The following MYO7A variants were observed in gnomAD, a reference collection of about 807,000 sequenced individuals.
MYO7A encodes myosin VIIA, also known as unconventional myosin-VIIa.
A neutral mutation model predicts 263.8 loss-of-function variants in MYO7A; 210 were observed. The observed-to-expected ratio is 0.80, with a 90% CI of 0.71 to 0.89. The LOEUF is 0.89. MYO7A is among the 40% of genes least tolerant of loss of function. The probability of loss-of-function intolerance (pLI) is 0.00; values close to 1 mark genes in which losing one functional copy is unlikely to be tolerated. For missense variants in MYO7A, 2,820 were observed against 2,968.3 expected, an observed-to-expected ratio of 0.95 and a Z score of 1.16; for synonymous variants, 1,239 against 1,197.3, an observed-to-expected ratio of 1.03 and a Z score of -0.72.
Position 77,214,939 on chromosome 11 carries a change from G to C in MYO7A, c.*243G>C, listed in dbSNP as rs1043504284. On this transcript the variant is annotated 3_prime_UTR_variant, in exon 49 of 49. Transcript: ENST00000409709. ...TGGGTTGGTCTAATCCTAGTTTGCT[G>C]TGGCCTTCCCGGTTGTGAGAGCCTG... 12 of 497,014 alleles carry C rather than the reference G, an allele frequency of 2.4e-5. No homozygotes were observed. Among genetic ancestry groups the C allele is most frequent in the African/African-American group, 2.1e-4 (11 of 51,874 alleles). The allele number at this position is 497,014 out of a possible 1,614,324, so 30.8% of individuals were successfully genotyped here.
At position 77,182,519 on chromosome 11, in the gene MYO7A, C is replaced by T. The variant is rs1565414905; in HGVS notation, c.3204C>T (p.Ile1068=). The part of the protein sequence containing the change: ...HTAMSDGSEK[I]PVMTKIYETL... ...CCATGAGTGATGGCAGTGAGAAGAT[C>T]CCTGTGATGACCAAGATTTATGAGA... The change falls in exon 25 of 49, where the codon ATC becomes ATT. Residue 1068 remains isoleucine (I), a synonymous_variant. Coordinates refer to ENST00000409709, the MANE Select transcript of MYO7A (RefSeq NM_000260.4). The T allele has an allele frequency of 6.2e-7, 1 of 1,612,592 alleles. No homozygotes were observed. The highest frequency in any genetic ancestry group is 8.5e-7 in the Non-Finnish European group (1 of 1,179,874).
chr11:77,194,334 C>G lies in MYO7A; in HGVS notation c.4153-20C>G. On this transcript the variant is annotated intron_variant, in intron 31 of 48. Transcript: ENST00000409709. Reference sequence around the variant, plus strand: ...GGAGGGGCCTGGGCCAATGCATGACCGAGGCCTCCCCCCACCTAGGAGGAC... The same window carrying G: ...GGAGGGGCCTGGGCCAATGCATGACGGAGGCCTCCCCCCACCTAGGAGGAC... 6.2e-7 allele frequency: 1 copy of G among 1,605,908 alleles called. No individual in the cohort carries two copies. The highest frequency in any genetic ancestry group is 8.5e-7 in the Non-Finnish European group (1 of 1,176,358).
intron 4 of MYO7A, among the ~76,000 whole-genome samples, chr11:77,153,031 G>T (rs1333031261): frequency 1.3e-5 from 2 of 152,158 alleles, no homozygotes; most frequent in African/African-American, 4.8e-5. Flanking sequence ...AGAGGATTTG[G>T]ACTTTGTCCA....
At chr11:77,205,342 A>T (rs1316233579) in intron 39 of MYO7A, 120 bp from the exon 40 acceptor site, 3 of 1,212,914 alleles carry the variant, frequency 2.5e-6, no homozygotes, top group Admixed American at 4.8e-5. Context: ...AAAGGTCAGG[A>T]GGGACGGTGC....
chr11:77,162,288 G>A lies in MYO7A; in HGVS notation c.1512G>A (p.Met504Ile). Reference sequence around the variant, plus strand: ...TGGACATGATTGCCAACAAGCCCATGAACATCATCTCCCTCATCGATGAGG... The same window carrying A: ...TGGACATGATTGCCAACAAGCCCATAAACATCATCTCCCTCATCGATGAGG... ...DALDMIANKP[M>I]NIISLIDEES... The change falls in exon 13 of 49, where the codon ATG becomes ATA. Residue 504 changes from methionine to isoleucine, a missense_variant. Transcript: ENST00000409709. 6.4e-7 allele frequency: 1 copy of A among 1,552,760 alleles called. No individual in the cohort carries two copies. Among genetic ancestry groups the A allele is most frequent in the Non-Finnish European group, 8.7e-7 (1 of 1,147,570 alleles).
At chr11:77,182,292 C>T (rs1291161157) in intron 24 of MYO7A, 132 bp from the exon 25 acceptor site, 2 of 1,430,984 alleles carry the variant, frequency 1.4e-6, no homozygotes, top group Non-Finnish European at 1.9e-6. Context: ...ATAGTCTTCA[C>T]TGCGGTGCCC....
At chr11:77,193,253 ATGGTGG>A (rs139695638) in intron 31 of MYO7A, among the ~76,000 whole-genome samples, 25 of 131,690 alleles carry the variant, frequency 1.9e-4, no homozygotes, top group Non-Finnish European at 2.2e-4. Flanking sequence ...GATGTTAGTG[ATGGTGG>A]TGGTGGTGGT....
At chr11:77,148,059 C>A in intron 4 of MYO7A, 109 bp downstream of exon 4, 1 of 1,021,076 alleles carries the variant, frequency 9.8e-7, no homozygotes, top group Non-Finnish European at 1.4e-6. Flanking sequence ...CGGGGCCCTG[C>A]CTCCTGAGAC....
rs766855090 is a variant in MYO7A, at chr11:77,208,527, C to G, written c.5944+10C>G. On this transcript the variant is annotated intron_variant, in intron 43 of 48. Coordinates refer to ENST00000409709, the MANE Select transcript of MYO7A (RefSeq NM_000260.4). ...CGGCCCATCAAGGACGGTAATGAGG[C>G]CGGGTCCTGGGATCATCTGAGGCCC... The G allele has an allele frequency of 6.2e-7, 1 of 1,609,644 alleles. No individual in the cohort carries two copies.
In MYO7A at chr11:77,180,464, G is replaced by T; in HGVS notation, c.2677G>T (p.Ala893Ser). ...EMSAKKAKEE[A>S]ERKHQERLAQ... ...GAGCGCCAAGAAGGCCAAGGAGGAG[G>T]CCGAGCGCAAGCATCAGGTGAGCTG... is the stretch of plus-strand genomic sequence containing the variant. Residue 893 changes from alanine (A) to serine (S), a missense_variant, in exon 22 of 49, where the codon GCC becomes TCC. Physicochemically the swap from Ala to Ser is moderately conservative, Grantham distance 99. Coordinates refer to ENST00000409709, the MANE Select transcript of MYO7A (RefSeq NM_000260.4). 6.2e-7 allele frequency: 1 copy of T among 1,612,328 alleles called. No homozygotes were observed. Among genetic ancestry groups the T allele is most frequent in the South Asian group, 1.1e-5 (1 of 91,010 alleles).
intron 46 of MYO7A, 54 bp from the exon 47 acceptor site, chr11:77,212,898 A>C: frequency 7.2e-7 from 1 of 1,381,708 alleles, no homozygotes; most frequent in Middle Eastern, 1.8e-4. Flanking sequence ...CCTGTCCCCA[A>C]ATGCTTTTCT....
At chr11:77,185,475 A>G (rs886680062) in intron 27 of MYO7A, among the ~76,000 whole-genome samples, 8 of 152,240 alleles carry the variant, frequency 5.3e-5, no homozygotes, top group African/African-American at 7.2e-5. Context: ...TTGCTCCTCC[A>G]TAAGAGGCAA....
In MYO7A at chr11:77,157,406, G is replaced by C; in HGVS notation, c.849+14G>C. On this transcript the variant is annotated intron_variant, in intron 8 of 48. Transcript: ENST00000409709. ...TACTTGGCCATGGTGAGGCCCAGGTGGGCCCCTGGGTAGGGGGGCACCCAC... is the reference window on the plus strand; with the variant it reads ...TACTTGGCCATGGTGAGGCCCAGGTCGGCCCCTGGGTAGGGGGGCACCCAC... The C allele has an allele frequency of 6.3e-7, 1 of 1,581,472 alleles. No homozygotes were observed. Among genetic ancestry groups the C allele is most frequent in the Non-Finnish European group, 8.6e-7 (1 of 1,160,160 alleles).
rs550846375 is a variant in MYO7A, at chr11:77,176,093, C to T, written c.2187+629C>T. On this transcript the variant is annotated intron_variant, in intron 18 of 48. Transcript: ENST00000409709. Reference sequence around the variant, plus strand: ...TGCTGGGCTTCCCCATTTGCATTTCCGCTGTGCTAGATTTCTGGCTGTCCC... The same window carrying T: ...TGCTGGGCTTCCCCATTTGCATTTCTGCTGTGCTAGATTTCTGGCTGTCCC... Among the ~76,000 whole-genome samples the T allele has an allele frequency of 1.2e-4, 19 of 152,346 alleles. No homozygotes were observed. In the East Asian group the frequency reaches 1.7e-3, roughly 14 times the overall value.
intron 2 of MYO7A, among the ~76,000 whole-genome samples, chr11:77,136,717 T>G (rs782157826): frequency 6.6e-6 from 1 of 152,246 alleles, no homozygotes; most frequent in African/African-American, 2.4e-5. Flanking sequence ...AGTGTCATTT[T>G]GTCACCTGAC....
rs1245102609 is a variant in MYO7A at position 77,208,536 on chromosome 11, G to A, written c.5944+19G>A. The A allele has an allele frequency of 6.2e-7, 1 of 1,604,816 alleles. No homozygotes were observed. The highest frequency in any genetic ancestry group is 8.5e-7 in the Non-Finnish European group (1 of 1,174,304). ...AAGGACGGTAATGAGGCCGGGTCCT[G>A]GGATCATCTGAGGCCCAGAGCAGGG... is the stretch of plus-strand genomic sequence containing the variant. On this transcript the variant is annotated intron_variant, in intron 43 of 48. Transcript: ENST00000409709.
chr11:77,200,897 A>T lies in MYO7A; in HGVS notation c.4853-551A>T, dbSNP rs563532966. On this transcript the variant is annotated intron_variant, in intron 35 of 48. Coordinates refer to ENST00000409709, the MANE Select transcript of MYO7A (RefSeq NM_000260.4). ...CCGAGGCCCTGGCCAAGTGTGGGAA[A>T]GACAAAGATGAAATGGACCCCACCC... Among the ~76,000 whole-genome samples, 9 of 152,164 alleles carry T rather than the reference A, an allele frequency of 5.9e-5. No homozygotes were observed. The South Asian group carries it at 1.9e-3, about 32-fold the overall frequency.
intron 9 of MYO7A, 57 bp from the exon 10 acceptor site, chr11:77,159,390 C>T: frequency 6.7e-7 from 1 of 1,500,984 alleles, no homozygotes; most frequent in South Asian, 1.1e-5. Flanking sequence ...AGGACTGTCC[C>T]CTTGCCCCTG....
chr11:77,212,694 G>C, intron 46 of MYO7A: 1 of 559,666 alleles, frequency 1.8e-6, no homozygotes. Flanking sequence ...GGGTCCAGGA[G>C]GCTTTTTAAA....
Sources: allele counts gnomAD v4.1 joint callset (sites outside exome capture counted in the v4.1 genomes callset), GRCh38; gene constraint gnomAD v4.1.1; transcripts MANE v1.5; gene names NCBI Gene and HGNC (gene_info 2026-07-23, HGNC 2026-07-21).